The following NOD2 variants were observed in gnomAD, a reference collection of about 807,000 sequenced individuals.
NOD2 encodes nucleotide-binding oligomerization domain-containing protein 2.
In NOD2, 86 loss-of-function variants were observed where a neutral mutation model predicts 90.9. That is an observed-to-expected ratio of 0.95 (90% confidence interval 0.79 to 1.13). The LOEUF is 1.13. Ranked by LOEUF, NOD2 falls within the 50% of genes most tolerant of loss-of-function variation. The pLI, the probability that NOD2 is intolerant of heterozygous loss-of-function variation, is 0.00. For missense variants in NOD2, 1,238 were observed against 1,283.8 expected (o/e 0.96, Z 0.55); for synonymous variants, 581 against 554.6 (o/e 1.05, Z -0.67).
At chr16:50,696,054 A>G (rs1169229218) in intron 1 of NOD2, among the ~76,000 whole-genome samples, 3 of 123,540 alleles carry the variant, frequency 2.4e-5, no homozygotes, top group African/African-American at 9.4e-5. Flanking sequence ...GGGAGAGAAC[A>G]GTGTTAGGGA....
intron 2 of NOD2, 73 bp downstream of exon 2, chr16:50,700,027 C>A: frequency 7.1e-7 from 1 of 1,414,660 alleles, no homozygotes; most frequent in Non-Finnish European, 9.8e-7. Context: ...GATTTGTCCT[C>A]ATGAAGTCAG....
intron 2 of NOD2, among the ~76,000 whole-genome samples, chr16:50,700,797 T>C (rs1963907892): frequency 6.6e-6 from 1 of 152,246 alleles, no homozygotes; most frequent in African/African-American, 2.4e-5. Context: ...GAATTTATTT[T>C]ATAATTAACA....
At chr16:50,723,204 G>T in intron 8 of NOD2, 97 bp from the exon 9 acceptor site, 2 of 857,736 alleles carry the variant, frequency 2.3e-6, no homozygotes, top group South Asian at 2.8e-5. Flanking sequence ...AAATGGAGCA[G>T]ACCAGGAGAG....
In NOD2 at chr16:50,707,933, C is replaced by G. The variant is rs1175887979; in HGVS notation, c.538C>G (p.Pro180Ala). The stretch of plus-strand genomic sequence containing the variant: ...CCTTCTACAACATGTTCAGGAATTA[C>G]CAGTCCCATTGGCCCTGCCTTTGGA... ...AFLLQHVQEL[P>A]VPLALPLEAA... Residue 180 changes from proline to alanine, a missense_variant, in exon 3 of 12, where the codon CCA becomes GCA. By Grantham distance (27) the Pro-to-Ala change is conservative. Coordinates refer to ENST00000647318, the MANE Select transcript of NOD2 (RefSeq NM_001370466.1). 10 of 1,613,480 alleles carry G rather than the reference C, an allele frequency of 6.2e-6. No homozygotes were observed. Among genetic ancestry groups the G allele is most frequent in the Non-Finnish European group, 8.5e-6 (10 of 1,179,530 alleles).
intron 4 of NOD2, among the ~76,000 whole-genome samples, chr16:50,714,083 C>T (rs1394094930): frequency 6.6e-6 from 1 of 152,166 alleles, no homozygotes; most frequent in African/African-American, 2.4e-5. Flanking sequence ...TGTGCATTTT[C>T]CTGGGTAGTA....
At chr16:50,706,124 C>G (rs1013271584) in intron 2 of NOD2, among the ~76,000 whole-genome samples, 3 of 152,102 alleles carry the variant, frequency 2.0e-5, no homozygotes, top group African/African-American at 7.2e-5. Context: ...ACATGGATGG[C>G]TAGGGGAAGG....
In NOD2 at chr16:50,733,010, A is replaced by G. The variant is rs1965508026; in HGVS notation, c.*1191A>G. 1 of 152,504 alleles carries G rather than the reference A, an allele frequency of 6.6e-6. No individual in the cohort carries two copies. Among genetic ancestry groups the G allele is most frequent in the South Asian group, 2.1e-4 (1 of 4,830 alleles). The allele number at this position is 152,504 out of a possible 1,614,324, so 9.4% of individuals were successfully genotyped here. ...TTTACTGTCTTAAGTTTATACTCTT[A>G]TAGACAACATGGCCGTGAACTTTAT... is the stretch of plus-strand genomic sequence containing the variant. On this transcript the variant is annotated 3_prime_UTR_variant, in exon 12 of 12. Transcript: ENST00000647318.
intron 8 of NOD2, 35 bp from the exon 9 acceptor site, chr16:50,723,266 G>A (rs1183520326): frequency 1.2e-6 from 2 of 1,600,086 alleles, no homozygotes; most frequent in Non-Finnish European, 8.6e-7. Flanking sequence ...GTCTTTCCCT[G>A]CTCTGACATA....
chr16:50,732,339 G>T lies in NOD2; in HGVS notation c.*520G>T. ...GTTCCTCCCCTCCTCCTGGACTCCT[G>T]CACACGCTCCTTCCTCTGAGGCTGA... On this transcript the variant is annotated 3_prime_UTR_variant, in exon 12 of 12. Coordinates refer to ENST00000647318, the MANE Select transcript of NOD2 (RefSeq NM_001370466.1). 2 of 176,902 alleles carry T rather than the reference G, an allele frequency of 1.1e-5. No individual in the cohort carries two copies. The highest frequency in any genetic ancestry group is 2.5e-5 in the Non-Finnish European group (2 of 80,528). 11.0% of individuals were successfully genotyped at this position (176,902 alleles called of 1,614,324 possible).
chr16:50,713,212 A>G (rs1438702738), intron 4 of NOD2: 2 of 152,240 alleles, frequency 1.3e-5, no homozygotes, highest in Non-Finnish European at 2.9e-5. Context: ...TTTAGAACCT[A>G]TAGGAAAGCA....
chr16:50,707,287 C>G (rs940654184), intron 2 of NOD2, among the ~76,000 whole-genome samples: 1 of 152,098 alleles, frequency 6.6e-6, no homozygotes, highest in Non-Finnish European at 1.5e-5. Flanking sequence ...GGGCAGAGCA[C>G]CTGGAAGAAA....
At chr16:50,712,496 C>G in intron 4 of NOD2, 123 bp downstream of exon 4, 1 of 1,211,588 alleles carries the variant, frequency 8.3e-7, no homozygotes, top group Non-Finnish European at 1.2e-6. Context: ...TGCTTTGCAA[C>G]ACTGCCCAGA....
Position 50,699,645 on chromosome 16 carries a change from G to A in NOD2, c.150G>A (p.Leu50=). The A allele has an allele frequency of 6.2e-7, 1 of 1,614,108 alleles. No homozygotes were observed. Among genetic ancestry groups the A allele is most frequent in the Non-Finnish European group, 8.5e-7 (1 of 1,180,026 alleles). ...SWEDYEGFHL[L]GQPLSHLARR... ...AGGACTACGAGGGCTTCCACCTCCT[G>A]GGCCAGCCTCTCTCCCACTTGGCCA... Residue 50 remains leucine, a synonymous_variant, in exon 2 of 12, where the codon CTG becomes CTA. Transcript: ENST00000647318.
rs1964979172 is a variant in NOD2 at position 50,720,013 on chromosome 16, G to A, written c.2633+5G>A. ...CACCTCCTTGCAGTTCCTGGGGTAGGTTGGATTCCAGGAAGAGGGACCTGC... is the reference window on the plus strand; with the variant it reads ...CACCTCCTTGCAGTTCCTGGGGTAGATTGGATTCCAGGAAGAGGGACCTGC... On this transcript the variant is annotated splice_donor_5th_base_variant and intron_variant, in intron 7 of 11. Coordinates refer to ENST00000647318, the MANE Select transcript of NOD2 (RefSeq NM_001370466.1). 1 of 1,613,734 alleles carries A rather than the reference G, an allele frequency of 6.2e-7. No homozygotes were observed. The highest frequency in any genetic ancestry group is 8.5e-7 in the Non-Finnish European group (1 of 1,179,624).
At chr16:50,714,645 T>TGA (rs891785149) in intron 4 of NOD2, among the ~76,000 whole-genome samples, 2 of 129,094 alleles carry the variant, frequency 1.5e-5, no homozygotes, top group Admixed American at 7.6e-5. Context: ...TGTGTGTGTA[T>TGA]GAGAGAGAGA....
intron 1 of NOD2, 76 bp from the exon 2 acceptor site, chr16:50,699,412 C>T: frequency 7.8e-7 from 1 of 1,284,600 alleles, no homozygotes. Context: ...CTGGGGCTGA[C>T]TTGCCCTGGC....
intron 4 of NOD2, among the ~76,000 whole-genome samples, chr16:50,714,544 A>G (rs1394602494): frequency 6.6e-6 from 1 of 151,992 alleles, no homozygotes; most frequent in Non-Finnish European, 1.5e-5. Flanking sequence ...CCTTACACAC[A>G]CTAAAACTGC....
chr16:50,703,559 A>C (rs1156324574), intron 2 of NOD2, among the ~76,000 whole-genome samples: 1 of 151,904 alleles, frequency 6.6e-6, no homozygotes, highest in Non-Finnish European at 1.5e-5. Context: ...GAATCGCTTG[A>C]ACCCGGGAGG....
Position 50,722,142 on chromosome 16 carries a change from G to A in NOD2, c.2634-480G>A, listed in dbSNP as rs543655999. On this transcript the variant is annotated intron_variant, in intron 7 of 11. Transcript: ENST00000647318. The stretch of plus-strand genomic sequence containing the variant: ...GGAGGATGGCCCAGAAGCTGGGGGA[G>A]TTGAAGCTGATGGCGTGAAGGAATT... 3.3e-5 allele frequency among the ~76,000 whole-genome samples: 5 copies of A among 152,324 alleles called. 1 individual carries two copies. Among genetic ancestry groups the A allele is most frequent in the African/African-American group, 1.2e-4 (5 of 41,570 alleles).
Sources: gnomAD v4.1 joint callset for allele counts (sites outside exome capture counted in the v4.1 genomes callset) on GRCh38, gnomAD v4.1.1 for gene constraint, MANE v1.5 for transcripts, NCBI Gene and HGNC (gene_info 2026-07-23, HGNC 2026-07-21) for gene names.